The following MANSC1 variants were observed in gnomAD, a reference collection of about 807,000 sequenced individuals.
The protein encoded by MANSC1 is MANSC domain-containing protein 1.
A neutral mutation model predicts 14.1 loss-of-function variants in MANSC1; 13 were observed. The observed-to-expected ratio is 0.92, with a 90% CI of 0.60 to 1.46. MANSC1 has a LOEUF of 1.46. Among genes scored for constraint, MANSC1 ranks in the 40% most tolerant of loss-of-function variants. The pLI, the probability that MANSC1 is intolerant of heterozygous loss-of-function variation, is 0.00. For missense variants in MANSC1, 486 were observed against 511.4 expected, an observed-to-expected ratio of 0.95 and a Z score of 0.48; for synonymous variants, 227 against 200.7, an observed-to-expected ratio of 1.13 and a Z score of -1.11.
At chr12:12,333,518 T>C (rs1472601591) in intron 3 of MANSC1, among the ~76,000 whole-genome samples, 1 of 152,210 alleles carries the variant, frequency 6.6e-6, no homozygotes. Flanking sequence ...GTCCCACTTC[T>C]TGATAAGATT....
chr12:12,339,326 G>T (rs1862904217), intron 2 of MANSC1: 1 of 152,028 alleles, frequency 6.6e-6, no homozygotes, highest in Admixed American at 6.6e-5. Flanking sequence ...AAATGCAGTG[G>T]CATGATTTCA....
Position 12,327,509 on chromosome 12 carries a change from C to G in MANSC1, c.*2518G>C, listed in dbSNP as rs146814384. 298 of 152,376 alleles carry G rather than the reference C, an allele frequency of 2.0e-3. No homozygotes were observed. Among genetic ancestry groups the G allele is most frequent in the African/African-American group, 6.9e-3 (285 of 41,586 alleles). 9.4% of individuals were successfully genotyped at this position (152,376 alleles called of 1,614,324 possible). On this transcript the variant is annotated 3_prime_UTR_variant, in exon 4 of 4. Transcript: ENST00000535902. Reference sequence around the variant, plus strand: ...TGTGGTCTCCCCATCACAACAAAGACTGCAGCAAGGTGGACAGAGAACTCC... The same window carrying G: ...TGTGGTCTCCCCATCACAACAAAGAGTGCAGCAAGGTGGACAGAGAACTCC...
rs773244612 is a variant in MANSC1 at position 12,338,630 on chromosome 12, AC to A, written c.224-71del. On this transcript the variant is annotated intron_variant, in intron 2 of 3. Transcript: ENST00000535902. ...CTAAAGAGTAGGGCAAGTAGGAAAA[AC>A]TTCACTTATTATGGAGTCCAACACA... The A allele has an allele frequency of 8.9e-6, 13 of 1,468,916 alleles. 1 individual carries two copies. The South Asian group carries it at 1.2e-4, about 14-fold the overall frequency. 91.0% of individuals were successfully genotyped at this position (1,468,916 alleles called of 1,614,324 possible). A position where few individuals can be genotyped will look rare whatever the true frequency, so the allele number is the denominator to read the frequency against.
chr12:12,348,991 A>C (rs922433445), intron 1 of MANSC1, among the ~76,000 whole-genome samples: 1 of 152,238 alleles, frequency 6.6e-6, no homozygotes, highest in East Asian at 1.9e-4. Flanking sequence ...GTGGTCATCT[A>C]ATAACTGCCA....
intron 1 of MANSC1, among the ~76,000 whole-genome samples, chr12:12,349,349 G>C (rs1863047528): frequency 6.6e-6 from 1 of 152,200 alleles, no homozygotes; most frequent in Admixed American, 6.5e-5. Context: ...CTCTTTTCAA[G>C]CTTTTGCAAA....
intron 1 of MANSC1, among the ~76,000 whole-genome samples, chr12:12,348,919 T>C (rs756785916): frequency 2.0e-5 from 3 of 152,206 alleles, no homozygotes; most frequent in Non-Finnish European, 4.4e-5. Flanking sequence ...TCATTTTAGT[T>C]AAAACTTACA....
intron 3 of MANSC1, among the ~76,000 whole-genome samples, chr12:12,337,444 C>G (rs1005766827): frequency 1.3e-5 from 2 of 151,846 alleles, no homozygotes; most frequent in African/African-American, 4.8e-5. Context: ...ACCTGTAGTC[C>G]CAGTTACTCA....
rs1444440083 is a variant in MANSC1 at position 12,329,931 on chromosome 12, A to G, written c.*96T>C. 1 of 1,081,476 alleles carries G rather than the reference A, an allele frequency of 9.2e-7. No homozygotes were observed. The highest frequency in any genetic ancestry group is 2.4e-5 in the East Asian group (1 of 40,836). 67.0% of individuals were successfully genotyped at this position (1,081,476 alleles called of 1,614,324 possible). Reference sequence around the variant, plus strand: ...AGAAGGGGGCATTTTCCTGTCTTCAAAATACAACCTCCTGCTAAGACTAGC... The same window carrying G: ...AGAAGGGGGCATTTTCCTGTCTTCAGAATACAACCTCCTGCTAAGACTAGC... On this transcript the variant is annotated 3_prime_UTR_variant, in exon 4 of 4. Coordinates refer to ENST00000535902, the MANE Select transcript of MANSC1 (RefSeq NM_018050.4).
chr12:12,345,858 T>C (rs1451292875), intron 1 of MANSC1, among the ~76,000 whole-genome samples: 1 of 152,214 alleles, frequency 6.6e-6, no homozygotes, highest in Non-Finnish European at 1.5e-5. Flanking sequence ...TAGTGAAATA[T>C]AATTACCAAA....
chr12:12,343,416 T>G lies in MANSC1; in HGVS notation c.-100-2A>C. ...CTGCACAGATGATGAGATTTCTCTC[T>G]AGAACAAAAATGGAAAATCATCAAT... On this transcript the variant is annotated splice_acceptor_variant, in intron 1 of 3. Coordinates refer to ENST00000535902, the MANE Select transcript of MANSC1 (RefSeq NM_018050.4). LOFTEE classifies it low-confidence loss of function (5UTR_SPLICE). The G allele has an allele frequency of 1.4e-6, 1 of 719,224 alleles. No homozygotes were observed. 44.6% of individuals were successfully genotyped at this position (719,224 alleles called of 1,614,324 possible).
At chr12:12,344,530 C>T (rs1008674693) in intron 1 of MANSC1, among the ~76,000 whole-genome samples, 4 of 150,286 alleles carry the variant, frequency 2.7e-5, no homozygotes. Context: ...AGTGCAGTGG[C>T]ACAATCTCGG....
rs375526137 is a variant in MANSC1 at position 12,330,102 on chromosome 12, G to A, written c.1221C>T (p.Ile407=). 28 of 1,613,990 alleles carry A rather than the reference G, an allele frequency of 1.7e-5. No homozygotes were observed. Among genetic ancestry groups the A allele is most frequent in the Middle Eastern group, 1.6e-4 (1 of 6,084 alleles). Residue 407 remains isoleucine, a synonymous_variant, in exon 4 of 4, where the codon ATC becomes ATT. Coordinates refer to ENST00000535902, the MANE Select transcript of MANSC1 (RefSeq NM_018050.4). ...LVIGLVLLGR[I]LSESLRRKRY... ...GTTTCCTGCGGAGTGATTCCGAGAG[G>A]ATTCTACCCAGGAGGACGAGGCCTA...
chr12:12,344,924 T>C (rs1862987993), intron 1 of MANSC1, among the ~76,000 whole-genome samples: 1 of 31,798 alleles, frequency 3.1e-5, no homozygotes, highest in Non-Finnish European at 6.2e-5. Context: ...CCCATATATA[T>C]ATATATATAT....
chr12:12,344,969 T>TATATA (rs1862991469), intron 1 of MANSC1, among the ~76,000 whole-genome samples: 1 of 55,196 alleles, frequency 1.8e-5, no homozygotes. Flanking sequence ...ATATATATAT[T>TATATA]ACACTAGTTC....
At chr12:12,345,567 T>G (rs1299058425) in intron 1 of MANSC1, among the ~76,000 whole-genome samples, 2 of 152,162 alleles carry the variant, frequency 1.3e-5, no homozygotes, top group Admixed American at 1.3e-4. Context: ...GCCAACTCTA[T>G]TGAGATGCTG....
At chr12:12,332,029 A>G (rs947701971) in intron 3 of MANSC1, among the ~76,000 whole-genome samples, 1 of 152,168 alleles carries the variant, frequency 6.6e-6, no homozygotes, top group African/African-American at 2.4e-5. Flanking sequence ...CTCCTGCTCC[A>G]TGAAGCTTAG....
chr12:12,338,541 C>T lies in MANSC1; in HGVS notation c.243G>A (p.Leu81=), dbSNP rs1263224350. 1 of 1,612,888 alleles carries T rather than the reference C, an allele frequency of 6.2e-7. No homozygotes were observed. Among genetic ancestry groups the T allele is most frequent in the East Asian group, 2.2e-5 (1 of 44,856 alleles). ...KNISGDKACN[L]MIFDTRKTAR... The stretch of plus-strand genomic sequence containing the variant: ...CTGTTTTTCGAGTGTCGAAGATCAT[C>T]AAGTTACATGCTTTGTCCCCTGCAA... Residue 81 remains leucine (L), a synonymous_variant, in exon 3 of 4, where the codon TTG becomes TTA. Coordinates refer to ENST00000535902, the MANE Select transcript of MANSC1 (RefSeq NM_018050.4).
Position 12,329,815 on chromosome 12 carries a change from C to G in MANSC1, c.*212G>C. The G allele has an allele frequency of 2.0e-6, 1 of 510,864 alleles. No individual in the cohort carries two copies. The highest frequency in any genetic ancestry group is 3.5e-6 in the Non-Finnish European group (1 of 289,396). The allele number at this position is 510,864 out of a possible 1,614,324, so 31.6% of individuals were successfully genotyped here. A position where few individuals can be genotyped will look rare whatever the true frequency, so the allele number is the denominator to read the frequency against. Reference sequence around the variant, plus strand: ...AGGAGAATCGCTTGAACCCAGGAGACGGAGGTTGCGGTGAGAGCCGAGATC... The same window carrying G: ...AGGAGAATCGCTTGAACCCAGGAGAGGGAGGTTGCGGTGAGAGCCGAGATC... On this transcript the variant is annotated 3_prime_UTR_variant, in exon 4 of 4. Coordinates refer to ENST00000535902, the MANE Select transcript of MANSC1 (RefSeq NM_018050.4).
At chr12:12,344,915 CCATATATATATATATATA>C (rs1862986405) in intron 1 of MANSC1, among the ~76,000 whole-genome samples, 3 of 30,056 alleles carry the variant, frequency 1.0e-4, no homozygotes, top group South Asian at 1.4e-3. Flanking sequence ...TAATAAACTC[CCATATATATATATATATA>C]TATATATATA....
Sources: allele counts gnomAD v4.1 joint callset (sites outside exome capture counted in the v4.1 genomes callset), GRCh38; gene constraint gnomAD v4.1.1; transcripts MANE v1.5; gene names NCBI Gene and HGNC (gene_info 2026-07-23, HGNC 2026-07-21).